TRNAU1AP: variants seen among roughly 807,000 people sequenced by gnomAD.
The protein encoded by TRNAU1AP is tRNA selenocysteine 1 associated protein 1.
TRNAU1AP carries 33 observed loss-of-function variants against 43.3 expected under a neutral mutation model. The observed-to-expected ratio is 0.76, with a 90% confidence interval of 0.58 to 1.02. The LOEUF (loss-of-function observed/expected upper bound fraction) is 1.02. Ranked by LOEUF, TRNAU1AP falls within the 50% of genes least tolerant of loss-of-function variation. The probability of loss-of-function intolerance (pLI) is 0.00; values close to 1 mark genes in which losing one functional copy is unlikely to be tolerated. For synonymous variants in TRNAU1AP, 143 were observed against 129.1 expected (o/e 1.11, Z -0.73); for missense variants, 290 against 362.7 (o/e 0.80, Z 1.63).
At chr1:28,555,144 C>T (rs1159036504) in intron 2 of TRNAU1AP, among the ~76,000 whole-genome samples, 2 of 150,804 alleles carry the variant, frequency 1.3e-5, no homozygotes, top group African/African-American at 4.9e-5. Context: ...GCAGGAGAAT[C>T]GCTTGAACTT....
intron 2 of TRNAU1AP, among the ~76,000 whole-genome samples, chr1:28,554,842 C>CA (rs1226365120): frequency 0.039 from 3,652 of 93,590 alleles, 163 homozygotes; most frequent in African/African-American, 0.12. Flanking sequence ...GACTCTGTCT[C>CA]AAAAAAAAAA....
intron 2 of TRNAU1AP, among the ~76,000 whole-genome samples, chr1:28,559,519 T>C (rs1375405234): frequency 6.6e-6 from 1 of 151,844 alleles, no homozygotes; most frequent in Non-Finnish European, 1.5e-5. Flanking sequence ...TTCCAGCTAC[T>C]TGGGAGGCTG....
intron 2 of TRNAU1AP, among the ~76,000 whole-genome samples, chr1:28,554,932 T>G (rs1432922253): frequency 6.6e-6 from 1 of 151,906 alleles, no homozygotes; most frequent in African/African-American, 2.4e-5. Flanking sequence ...TTAACTCTTA[T>G]GCCATTCATT....
At chr1:28,578,539 ACTTTTATTAGT>A (rs2124229015) in exon 9 of TRNAU1AP, 1 of 340,134 alleles carries the variant, frequency 2.9e-6, no homozygotes, top group South Asian at 2.4e-5. Flanking sequence ...ACACAAATAT[ACTTTTATTAGT>A]CTTTTTATTC....
chr1:28,568,309 G>A (rs1287034613), intron 6 of TRNAU1AP, among the ~76,000 whole-genome samples: 2 of 152,042 alleles, frequency 1.3e-5, no homozygotes, highest in Non-Finnish European at 2.9e-5. Context: ...TTTTTTCCCT[G>A]AGTCAGGATC....
chr1:28,577,185 A>G (rs1178562949), intron 8 of TRNAU1AP, among the ~76,000 whole-genome samples: 1 of 152,220 alleles, frequency 6.6e-6, no homozygotes, highest in African/African-American at 2.4e-5. Context: ...TCTGGACTTA[A>G]TAACTTTGAT....
chr1:28,561,403 G>A lies in TRNAU1AP; in HGVS notation c.278+5G>A. On this transcript the variant is annotated splice_donor_5th_base_variant and intron_variant, in intron 4 of 8. Coordinates refer to ENST00000373830, the MANE Select transcript of TRNAU1AP (RefSeq NM_017846.5). ...CGGGAAACAACCAGATAACAGGTAG[G>A]TACAAAGTCATGTCTAGACAGACAT... 2 of 1,614,042 alleles carry A rather than the reference G, an allele frequency of 1.2e-6. No homozygotes were observed. The highest frequency in any genetic ancestry group is 1.7e-6 in the Non-Finnish European group (2 of 1,179,976).
At chr1:28,577,399 G>A (rs1323513153) in intron 8 of TRNAU1AP, 101 bp from the exon 9 acceptor site, 2 of 1,339,582 alleles carry the variant, frequency 1.5e-6, no homozygotes, top group Admixed American at 2.2e-5. Context: ...TGGCAGGATA[G>A]GGACCTTACC....
At chr1:28,571,782 C>CAAAA in intron 7 of TRNAU1AP, 85 bp from the exon 8 acceptor site, 1 of 920,152 alleles carries the variant, frequency 1.1e-6, no homozygotes, top group South Asian at 1.4e-5. Flanking sequence ...GACTCCACCT[C>CAAAA]AAAAAAAATA....
intron 3 of TRNAU1AP, 80 bp downstream of exon 3, chr1:28,560,812 C>A: frequency 8.4e-7 from 1 of 1,192,190 alleles, no homozygotes; most frequent in Non-Finnish European, 1.2e-6. Flanking sequence ...CTACTGTATA[C>A]TTATTTTATT....
chr1:28,571,151 A>ATTTTTTGTTTGT lies in TRNAU1AP; in HGVS notation c.531-20_531-19insTGTTTGTTTTTT, dbSNP rs761058115. On this transcript the variant is annotated intron_variant, in intron 6 of 8. Transcript: ENST00000373830. Reference sequence around the variant, plus strand: ...GTTACGGAAATGTTTGCTTACACTTATTTTTGTTTCTGTCTTCATTTAAGG... The same window carrying ATTTTTTGTTTGT: ...GTTACGGAAATGTTTGCTTACACTTATTTTTTGTTTGTTTTTTGTTTCTGTCTTCATTTAAGG... The ATTTTTTGTTTGT allele has an allele frequency of 3.1e-6, 5 of 1,612,156 alleles. No homozygotes were observed. The Admixed American group carries it at 8.3e-5, about 27-fold the overall frequency.
In TRNAU1AP at chr1:28,578,537, A is replaced by G. The variant is rs1665871875; in HGVS notation, c.*901A>G. ...TCTACAAAAAAATACAAACACAAAT[A>G]TACTTTTATTAGTCTTTTTATTCTT... On this transcript the variant is annotated 3_prime_UTR_variant, in exon 9 of 9. Transcript: ENST00000373830. 1 of 338,314 alleles carries G rather than the reference A, an allele frequency of 3.0e-6. No individual in the cohort carries two copies. The highest frequency in any genetic ancestry group is 6.1e-6 in the Non-Finnish European group (1 of 163,506). The allele number at this position is 338,314 out of a possible 1,614,324, so 21.0% of individuals were successfully genotyped here.
At chr1:28,568,005 A>G (rs1236931128) in intron 6 of TRNAU1AP, among the ~76,000 whole-genome samples, 6 of 151,994 alleles carry the variant, frequency 3.9e-5, no homozygotes, top group African/African-American at 1.4e-4. Context: ...CTCTACTAAA[A>G]ATACAAAAAT....
At position 28,560,634 on chromosome 1, in the gene TRNAU1AP, A is replaced by T. The variant is rs754149203; in HGVS notation, c.127A>T (p.Ile43Phe). The T allele has an allele frequency of 6.2e-7, 1 of 1,612,652 alleles. No individual in the cohort carries two copies. The highest frequency in any genetic ancestry group is 2.2e-5 in the East Asian group (1 of 44,854). The change falls in exon 3 of 9, where the codon ATC becomes TTC. Residue 43 changes from isoleucine to phenylalanine, a missense_variant and splice_region_variant. Ile to Phe is a conservative substitution (Grantham distance 21, BLOSUM62 0). Coordinates refer to ENST00000373830, the MANE Select transcript of TRNAU1AP (RefSeq NM_017846.5). ...TTTCTCTATTTGCTTTTTTTCCAGG[A>T]TCCCAGCTGGCTACTGCTTTGTAGA... ...VKIIRNRLTG[I>F]PAGYCFVEFA...
intron 8 of TRNAU1AP, among the ~76,000 whole-genome samples, chr1:28,576,000 A>G (rs889091161): frequency 1.3e-5 from 2 of 150,618 alleles, no homozygotes; most frequent in African/African-American, 4.9e-5. Context: ...AGCTGGGACT[A>G]CAGGCGTGCA....
At chr1:28,556,668 C>A (rs1307347647) in intron 2 of TRNAU1AP, among the ~76,000 whole-genome samples, 1 of 151,890 alleles carries the variant, frequency 6.6e-6, no homozygotes, top group Admixed American at 6.6e-5. Context: ...CCTGCCACCA[C>A]GCCCAGCTCA....
chr1:28,560,515 A>G, intron 2 of TRNAU1AP, 118 bp from the exon 3 acceptor site: 2 of 718,624 alleles, frequency 2.8e-6, no homozygotes, highest in Non-Finnish European at 4.7e-6. Context: ...ACCTTCAGTG[A>G]TCCACCTGCC....
intron 8 of TRNAU1AP, among the ~76,000 whole-genome samples, chr1:28,576,139 AT>A (rs748237723): frequency 1.4e-3 from 206 of 145,166 alleles, no homozygotes; most frequent in Middle Eastern, 3.9e-3. Flanking sequence ...GTTTACAGGC[AT>A]GAGCCACAGT....
intron 3 of TRNAU1AP, chr1:28,561,093 G>T: frequency 1.4e-6 from 2 of 1,380,766 alleles, no homozygotes; most frequent in East Asian, 2.8e-5. Flanking sequence ...CAAGAGAGTT[G>T]CATTCTGCTC....
Sources: gnomAD v4.1 joint callset for allele counts (sites outside exome capture counted in the v4.1 genomes callset) on GRCh38, gnomAD v4.1.1 for gene constraint, MANE v1.5 for transcripts, NCBI Gene and HGNC (gene_info 2026-07-23, HGNC 2026-07-21) for gene names.